Variants in RANBP17 observed in about 807,000 individuals in gnomAD.
RANBP17 encodes the protein ran-binding protein 17.
A neutral mutation model predicts 141.2 loss-of-function variants in RANBP17; 158 were observed. The observed-to-expected ratio is 1.12, with a 90% CI of 0.98 to 1.28. The LOEUF is 1.28. Ranked by LOEUF, RANBP17 falls within the 50% of genes most tolerant of loss-of-function variation. The pLI is 0.00. For missense variants in RANBP17, 1,438 were observed against 1,290.7 expected (o/e 1.11, Z -1.75); for synonymous variants, 430 against 450.0 (o/e 0.96, Z 0.56).
chr5:171,102,866 G>C (rs1395114460), intron 14 of RANBP17, among the ~76,000 whole-genome samples: 1 of 152,106 alleles, frequency 6.6e-6, no homozygotes, highest in Non-Finnish European at 1.5e-5. Flanking sequence ...CTCTGCTGCA[G>C]GTCTGCTGGA....
At chr5:170,862,632 G>A (rs1249202750) in intron 1 of RANBP17, among the ~76,000 whole-genome samples, 1 of 152,184 alleles carries the variant, frequency 6.6e-6, no homozygotes, top group Non-Finnish European at 1.5e-5. Flanking sequence ...GGGCTACGCG[G>A]CCGCCTCTTC....
At chr5:170,929,950 A>G (rs182311527) in intron 12 of RANBP17, among the ~76,000 whole-genome samples, 1 of 152,096 alleles carries the variant, frequency 6.6e-6, no homozygotes, top group Non-Finnish European at 1.5e-5. Context: ...AATTTACTCA[A>G]TGTTTCAATG....
At chr5:170,890,998 T>C (rs976818186) in intron 3 of RANBP17, among the ~76,000 whole-genome samples, 4 of 152,200 alleles carry the variant, frequency 2.6e-5, no homozygotes, top group Non-Finnish European at 5.9e-5. Flanking sequence ...GCTAATGTTT[T>C]AACAATTTTT....
intron 14 of RANBP17, among the ~76,000 whole-genome samples, chr5:171,103,953 A>G (rs932783525): frequency 4.6e-5 from 7 of 152,186 alleles, no homozygotes; most frequent in Non-Finnish European, 8.8e-5. Flanking sequence ...ACCAGTCCCA[A>G]TGAGATGAGC....
intron 14 of RANBP17, among the ~76,000 whole-genome samples, chr5:171,033,579 A>G (rs1781685735): frequency 6.6e-6 from 1 of 152,076 alleles, no homozygotes; most frequent in Non-Finnish European, 1.5e-5. Context: ...ATAATCATGA[A>G]CATATGCTAA....
chr5:170,909,770 GT>G lies in RANBP17; in HGVS notation c.594+7del. 1 of 1,369,342 alleles carries G rather than the reference GT, an allele frequency of 7.3e-7. No individual in the cohort carries two copies. Among genetic ancestry groups the G allele is most frequent in the Non-Finnish European group, 1.0e-6 (1 of 964,764 alleles). 84.8% of individuals were successfully genotyped at this position (1,369,342 alleles called of 1,614,324 possible). ...GCATGCTCTCTTTTAAAAGAGGTAAGTTATTTGATAATTCAACTTCCTAGTT... is the reference window on the plus strand; with the variant it reads ...GCATGCTCTCTTTTAAAAGAGGTAAGTATTTGATAATTCAACTTCCTAGTT... On this transcript the variant is annotated splice_donor_region_variant and intron_variant, in intron 6 of 27. Coordinates refer to ENST00000523189, the MANE Select transcript of RANBP17 (RefSeq NM_022897.5).
chr5:170,918,564 A>T, intron 9 of RANBP17, 149 bp from the exon 10 acceptor site: 1 of 504,412 alleles, frequency 2.0e-6, no homozygotes, highest in Non-Finnish European at 3.2e-6. Flanking sequence ...GAATCCCTCT[A>T]TTTTTTTACA....
intron 14 of RANBP17, among the ~76,000 whole-genome samples, chr5:171,032,357 A>G (rs982175601): frequency 3.9e-5 from 6 of 152,170 alleles, no homozygotes; most frequent in South Asian, 2.1e-4. Flanking sequence ...TTTCAAGACA[A>G]CGCAGTTTAG....
intron 3 of RANBP17, among the ~76,000 whole-genome samples, chr5:170,891,043 A>C (rs1423968317): frequency 5.3e-5 from 8 of 152,122 alleles, no homozygotes; most frequent in Non-Finnish European, 1.0e-4. Flanking sequence ...TTTTAATGCT[A>C]CCTCAAGAAG....
At position 171,235,941 on chromosome 5, in the gene RANBP17, G is replaced by A. The variant is rs191094205; in HGVS notation, c.2423-4987G>A. The stretch of plus-strand genomic sequence containing the variant: ...TGTCACCAAATTGCCTTCTAGAATA[G>A]TTATACTAATTTTATATTCCCAACA... On this transcript the variant is annotated intron_variant, in intron 22 of 27. Coordinates refer to ENST00000523189, the MANE Select transcript of RANBP17 (RefSeq NM_022897.5). 1.8e-3 allele frequency among the ~76,000 whole-genome samples: 272 copies of A among 152,272 alleles called. 2 individuals are homozygous for A. Among genetic ancestry groups the A allele is most frequent in the African/African-American group, 6.4e-3 (264 of 41,550 alleles).
chr5:171,079,086 G>A (rs1174305902), intron 14 of RANBP17, among the ~76,000 whole-genome samples: 1 of 152,190 alleles, frequency 6.6e-6, no homozygotes, highest in Admixed American at 6.5e-5. Flanking sequence ...AAGTAGGTCA[G>A]TATATTAACA....
chr5:171,057,568 A>G (rs959007863), intron 14 of RANBP17, among the ~76,000 whole-genome samples: 2 of 152,238 alleles, frequency 1.3e-5, no homozygotes, highest in South Asian at 2.1e-4. Context: ...TTGCTTTACA[A>G]TCACAAATGA....
intron 25 of RANBP17, among the ~76,000 whole-genome samples, chr5:171,277,938 C>CCTTTTTTTTTT (rs1554127986): frequency 5.5e-5 from 4 of 72,268 alleles, no homozygotes; most frequent in East Asian, 5.5e-4. Context: ...GGACTTCTTT[C>CCTTTTTTTTTT]TTTTTTTTTT....
chr5:171,017,507 A>G (rs1322276939), intron 14 of RANBP17, among the ~76,000 whole-genome samples: 1 of 152,098 alleles, frequency 6.6e-6, no homozygotes, highest in African/African-American at 2.4e-5. Context: ...ATGATCAGTG[A>G]TGTTAAGTTT....
intron 14 of RANBP17, among the ~76,000 whole-genome samples, chr5:171,145,755 G>A (rs577670917): frequency 6.6e-6 from 1 of 152,202 alleles, no homozygotes; most frequent in African/African-American, 2.4e-5. Context: ...CCTGGAAGCC[G>A]CATAATGGGA....
intron 4 of RANBP17, among the ~76,000 whole-genome samples, chr5:170,893,054 A>G (rs1318466077): frequency 2.0e-5 from 3 of 152,178 alleles, no homozygotes; most frequent in Non-Finnish European, 2.9e-5. Context: ...CACATTGACT[A>G]TATCAGTTTC....
intron 14 of RANBP17, among the ~76,000 whole-genome samples, chr5:171,123,437 G>T (rs1369950428): frequency 1.3e-5 from 2 of 152,172 alleles, no homozygotes; most frequent in African/African-American, 4.8e-5. Flanking sequence ...GTCATTTGGG[G>T]GGTCAAGGGT....
At chr5:170,869,100 TTAA>T (rs1387798464) in intron 1 of RANBP17, among the ~76,000 whole-genome samples, 5 of 152,202 alleles carry the variant, frequency 3.3e-5, no homozygotes, top group Non-Finnish European at 7.3e-5. Context: ...TTTTCATTTG[TTAA>T]TAATTTGAAA....
intron 14 of RANBP17, among the ~76,000 whole-genome samples, chr5:171,113,205 G>A (rs1755373448): frequency 1.3e-5 from 2 of 152,122 alleles, no homozygotes; most frequent in African/African-American, 2.4e-5. Context: ...TGCCCTTCAT[G>A]TGATCACACA....
Sources: allele counts gnomAD v4.1 joint callset (sites outside exome capture counted in the v4.1 genomes callset), GRCh38; gene constraint gnomAD v4.1.1; transcripts MANE v1.5; gene names NCBI Gene and HGNC (gene_info 2026-07-23, HGNC 2026-07-21).